The following NDUFA10 variants were observed in gnomAD, a reference collection of about 807,000 sequenced individuals.
The protein encoded by NDUFA10 is NADH:ubiquinone oxidoreductase subunit A10, also known as NADH dehydrogenase [ubiquinone] 1 alpha subcomplex subunit 10, mitochondrial.
Under a neutral mutation model 47.8 loss-of-function variants are expected in NDUFA10, and 40 were observed. That is an observed-to-expected ratio of 0.84 (90% CI 0.65 to 1.09). The LOEUF is 1.09. NDUFA10 is among the 50% of genes least tolerant of loss of function. NDUFA10 has a pLI of 0.00. For missense variants in NDUFA10, 413 were observed against 451.1 expected, an observed-to-expected ratio of 0.92 and a Z score of 0.76; for synonymous variants, 183 against 172.2, an observed-to-expected ratio of 1.06 and a Z score of -0.49.
chr2:239,996,188 G>A (rs1181360794), intron 8 of NDUFA10, among the ~76,000 whole-genome samples: 4 of 152,118 alleles, frequency 2.6e-5, no homozygotes, highest in Admixed American at 2.0e-4. Context: ...GAATACCACC[G>A]TCAATCGGCT....
At chr2:239,956,769 C>T (rs1694663698), downstream of NDUFA10, among the ~76,000 whole-genome samples, 2 of 152,186 alleles carry the variant, frequency 1.3e-5, no homozygotes, top group Non-Finnish European at 2.9e-5. Flanking sequence ...GGCGTCACGG[C>T]GGAGCCGGGC....
At chr2:239,910,639 G>C (rs6759128) in intron 4 of NDUFA10, among the ~76,000 whole-genome samples, 60,310 of 151,768 alleles carry the variant, frequency 0.4, 12,700 homozygotes, top group East Asian at 0.59. Flanking sequence ...ATGGGATGAT[G>C]TGTGCAGCAA....
In NDUFA10 at chr2:239,957,760, G is replaced by A. The variant is rs1694698956; in HGVS notation, c.*3358C>T. 1 of 152,138 alleles carries A rather than the reference G, an allele frequency of 6.6e-6. No homozygotes were observed. Among genetic ancestry groups the A allele is most frequent in the African/African-American group, 2.4e-5 (1 of 41,412 alleles). The allele number at this position is 152,138 out of a possible 1,614,324, so 9.4% of individuals were successfully genotyped here. ...CTCTTTTGGGGACAAGTCCATCACT[G>A]GAGCTCCCCGGCCTCCTGGAATTCA... On this transcript the variant is annotated 3_prime_UTR_variant, in exon 10 of 10. Coordinates refer to ENST00000252711, the MANE Select transcript of NDUFA10 (RefSeq NM_004544.4).
At position 239,899,484 on chromosome 2, in the gene NDUFA10, A is replaced by G. The variant is rs5007761; in HGVS notation, c.295-4170T>C. Among the ~76,000 whole-genome samples the G allele has an allele frequency of 2.8e-3, 294 of 104,684 alleles. 5 individuals are homozygous for G. The highest frequency in any genetic ancestry group is 0.013 in the Middle Eastern group (2 of 154). The allele number at this position is 104,684 out of a possible 152,430, so 68.7% of individuals were successfully genotyped here. On this transcript the variant is annotated intron_variant, in intron 4 of 5. Coordinates refer to the NDUFA10 transcript ENST00000419408. ...GGTGTGACGGAGGGGTGTGATGGAG[A>G]GGTGTGATGGAGGGGTGTGATGGTC...
rs1307297665 is a variant in NDUFA10, at chr2:239,932,892, T to C, written c.295-37578A>G. Among the ~76,000 whole-genome samples, 4 of 152,234 alleles carry C rather than the reference T, an allele frequency of 2.6e-5. No individual in the cohort carries two copies. In the East Asian group the frequency reaches 7.7e-4, roughly 29 times the overall value. On this transcript the variant is annotated intron_variant, in intron 4 of 5. Coordinates refer to the NDUFA10 transcript ENST00000419408. ...CACCGCGCCTGGCCTCTGATCAAAG[T>C]ATTTAATGGGCTTTATTAATCCATT...
intron 4 of NDUFA10, among the ~76,000 whole-genome samples, chr2:239,930,691 G>A (rs1016403173): frequency 7.2e-5 from 11 of 152,096 alleles, no homozygotes; most frequent in East Asian, 5.8e-4. Context: ...AGGATGCACC[G>A]GGAGCCGGAC....
intron 4 of NDUFA10, among the ~76,000 whole-genome samples, chr2:239,946,058 T>C (rs1694447032): frequency 6.6e-6 from 1 of 152,184 alleles, no homozygotes; most frequent in African/African-American, 2.4e-5. Flanking sequence ...AGGGCAGACG[T>C]GTCCCTTGCA....
intron 4 of NDUFA10, among the ~76,000 whole-genome samples, chr2:239,933,455 T>C (rs1411295137): frequency 1.3e-5 from 2 of 151,772 alleles, no homozygotes; most frequent in Admixed American, 1.3e-4. Context: ...CTGCCAGTCC[T>C]GCCACCACTG....
intron 9 of NDUFA10, chr2:239,983,546 G>C (rs751701599): frequency 6.2e-7 from 1 of 1,602,286 alleles, no homozygotes; most frequent in Non-Finnish European, 8.5e-7. Flanking sequence ...GCTGTGGTGT[G>C]CATGGGGCTT....
At chr2:240,009,889 A>G (rs1697075422) in intron 6 of NDUFA10, among the ~76,000 whole-genome samples, 1 of 152,260 alleles carries the variant, frequency 6.6e-6, no homozygotes, top group East Asian at 1.9e-4. Flanking sequence ...GTTTAAATAT[A>G]CAAGCCCGGG....
chr2:239,943,024 C>T (rs188625223), intron 4 of NDUFA10: 11 of 154,526 alleles, frequency 7.1e-5, no homozygotes, highest in African/African-American at 2.4e-4. Context: ...TGTGAAATGG[C>T]CCAGACCAGA....
At chr2:240,020,545 T>C (rs140236566) in intron 3 of NDUFA10, among the ~76,000 whole-genome samples, 37 of 152,308 alleles carry the variant, frequency 2.4e-4, no homozygotes, top group African/African-American at 8.9e-4. Context: ...AAGTAGTCCA[T>C]GTTCATGCCC....
chr2:239,935,371 A>C (rs2106375698), intron 4 of NDUFA10, among the ~76,000 whole-genome samples: 2 of 152,352 alleles, frequency 1.3e-5, no homozygotes, highest in South Asian at 4.1e-4. Context: ...TGGATGGGAA[A>C]ATTACAATTC....
chr2:239,945,221 G>A lies in NDUFA10; in HGVS notation c.294+44853C>T, dbSNP rs1361915569. 6.6e-6 allele frequency among the ~76,000 whole-genome samples: 1 copy of A among 152,218 alleles called. No individual in the cohort carries two copies. Among genetic ancestry groups the A allele is most frequent in the African/African-American group, 2.4e-5 (1 of 41,460 alleles). ...ACTTCTCAGGTCACCGGCAGGCGTT[G>A]AGCAGGCCGCTCTGCAGACGCTGGG... On this transcript the variant is annotated intron_variant, in intron 4 of 5. Coordinates refer to the NDUFA10 transcript ENST00000419408. This position sits in a 1 kb window ranked among gnomAD's most constrained non-coding sequence, Gnocchi z 4.6.
rs370220490 is a variant in NDUFA10 at position 240,022,937 on chromosome 2, TTG to T, written c.76-599_76-598del. Reference sequence around the variant, plus strand: ...ACCTAACAAGCAAAAGAGAGCAAATTTGAGTGTCGTCTTTGATACCTTTCTCC... The same window carrying T: ...ACCTAACAAGCAAAAGAGAGCAAATTAGTGTCGTCTTTGATACCTTTCTCC... On this transcript the variant is annotated intron_variant, in intron 1 of 9. Coordinates refer to ENST00000252711, the MANE Select transcript of NDUFA10 (RefSeq NM_004544.4). Among the ~76,000 whole-genome samples, 56 of 152,284 alleles carry T rather than the reference TTG, an allele frequency of 3.7e-4. No individual in the cohort carries two copies. The South Asian group carries it at 0.012, about 32-fold the overall frequency.
chr2:239,938,192 T>C (rs1694299337), intron 4 of NDUFA10, among the ~76,000 whole-genome samples: 2 of 152,144 alleles, frequency 1.3e-5, no homozygotes, highest in African/African-American at 4.8e-5. Context: ...AGTTTCTCCA[T>C]CTGCAAATGG....
At chr2:239,984,302 T>C (rs930259704) in intron 9 of NDUFA10, among the ~76,000 whole-genome samples, 4 of 151,844 alleles carry the variant, frequency 2.6e-5, no homozygotes, top group Admixed American at 2.6e-4. Flanking sequence ...AAGTGTACCA[T>C]ACTCACAGAA....
chr2:240,005,484 G>C (rs1696915384), intron 7 of NDUFA10, among the ~76,000 whole-genome samples, 189 bp from the exon 8 acceptor site: 1 of 152,050 alleles, frequency 6.6e-6, no homozygotes, highest in Non-Finnish European at 1.5e-5. Flanking sequence ...AGCCTCCCGA[G>C]TTGCTGGGAC....
chr2:239,922,800 A>C (rs1264385369), intron 4 of NDUFA10, among the ~76,000 whole-genome samples: 4 of 152,212 alleles, frequency 2.6e-5, no homozygotes, highest in South Asian at 4.1e-4. Context: ...GCACCCTAAG[A>C]ATCCCCGGCC....
Sources: allele counts gnomAD v4.1 joint callset (sites outside exome capture counted in the v4.1 genomes callset), GRCh38; gene constraint gnomAD v4.1.1; non-coding constraint Gnocchi (gnomAD v3.1); transcripts MANE v1.5; gene names NCBI Gene and HGNC (gene_info 2026-07-23, HGNC 2026-07-21).